Variants in RSU1 observed in about 807,000 individuals in gnomAD.
RSU1 encodes Ras suppressor protein 1, also known as rsu-1.
A neutral mutation model predicts 31.1 loss-of-function variants in RSU1; 26 were observed. The observed-to-expected ratio is 0.84, with a 90% CI of 0.61 to 1.16. The LOEUF (loss-of-function observed/expected upper bound fraction) is 1.16, where lower values mean the gene tolerates loss of function less well. Among genes scored for constraint, RSU1 ranks in the 50% most tolerant of loss-of-function variants. The pLI, the probability that RSU1 is intolerant of heterozygous loss-of-function variation, is 0.00. For synonymous variants in RSU1, 164 were observed against 136.3 expected (o/e 1.20, Z -1.41); for missense variants, 320 against 339.1 (o/e 0.94, Z 0.44).
intron 7 of RSU1, among the ~76,000 whole-genome samples, chr10:16,735,210 G>T (rs1044336495): frequency 2.0e-5 from 3 of 152,122 alleles, no homozygotes; most frequent in African/African-American, 7.2e-5. Context: ...TAAAGACCAA[G>T]AAATTATTCT....
At chr10:16,668,444 G>C (rs943559057) in intron 8 of RSU1, among the ~76,000 whole-genome samples, 1 of 152,182 alleles carries the variant, frequency 6.6e-6, no homozygotes, top group Non-Finnish European at 1.5e-5. Flanking sequence ...TACCTAGCTA[G>C]ATCGTCTTGG....
intron 8 of RSU1, among the ~76,000 whole-genome samples, chr10:16,596,355 A>C (rs1833612787): frequency 6.6e-6 from 1 of 152,178 alleles, no homozygotes; most frequent in Non-Finnish European, 1.5e-5. Context: ...GGAAATGCTC[A>C]AAGTAGATCC....
At chr10:16,782,345 G>A (rs1417570878) in intron 2 of RSU1, among the ~76,000 whole-genome samples, 2 of 152,194 alleles carry the variant, frequency 1.3e-5, no homozygotes, top group African/African-American at 2.4e-5. Context: ...ACATGACGAG[G>A]GCCAGTTAGC....
chr10:16,606,830 C>T (rs1833813256), intron 8 of RSU1, among the ~76,000 whole-genome samples: 1 of 152,196 alleles, frequency 6.6e-6, no homozygotes, highest in Admixed American at 6.5e-5. Flanking sequence ...AGAAGCATAC[C>T]ATACATAGTG....
At chr10:16,685,581 T>TGGCGCTGATGGGAGGGTAGCAGTGAGGA (rs568347121) in intron 8 of RSU1, among the ~76,000 whole-genome samples, 1,705 of 152,260 alleles carry the variant, frequency 0.011, 34 homozygotes, top group African/African-American at 0.039. Flanking sequence ...TAAGCTGTCA[T>TGGCGCTGATGGGAGGGTAGCAGTGAGGA]GGCGCTGATG....
chr10:16,713,527 A>G (rs545817581), intron 7 of RSU1, among the ~76,000 whole-genome samples: 1 of 152,208 alleles, frequency 6.6e-6, no homozygotes, highest in East Asian at 1.9e-4. Context: ...CCTCAGCTCC[A>G]AGATTTCTGT....
intron 2 of RSU1, among the ~76,000 whole-genome samples, chr10:16,802,675 A>G (rs924654167): frequency 2.6e-5 from 4 of 152,162 alleles, no homozygotes; most frequent in African/African-American, 9.6e-5. Flanking sequence ...TCAAAAATGT[A>G]CTAAGAGTAC....
intron 8 of RSU1, 57 bp from the exon 9 acceptor site, chr10:16,593,553 TC>T: frequency 7.6e-7 from 1 of 1,317,518 alleles, no homozygotes; most frequent in East Asian, 2.3e-5. Flanking sequence ...AAGATAGCTT[TC>T]ACTGGAAGAG....
At chr10:16,668,377 A>G (rs1835039494) in intron 8 of RSU1, among the ~76,000 whole-genome samples, 1 of 152,180 alleles carries the variant, frequency 6.6e-6, no homozygotes, top group African/African-American at 2.4e-5. Flanking sequence ...ATTGTATAGA[A>G]GACACGTTTC....
intron 2 of RSU1, among the ~76,000 whole-genome samples, chr10:16,804,247 GC>G (rs2131674449): frequency 1.3e-5 from 2 of 152,328 alleles, no homozygotes; most frequent in Non-Finnish European, 2.9e-5. Context: ...TTAAGGAATT[GC>G]AAATGGAAAC....
chr10:16,600,099 C>A (rs1487946238), intron 8 of RSU1, among the ~76,000 whole-genome samples: 1 of 152,174 alleles, frequency 6.6e-6, no homozygotes, highest in Non-Finnish European at 1.5e-5. Flanking sequence ...ACAAGAGGAT[C>A]AGTTGCTCTT....
intron 2 of RSU1, among the ~76,000 whole-genome samples, chr10:16,815,191 A>G (rs1838502786): frequency 6.6e-6 from 1 of 152,268 alleles, no homozygotes; most frequent in Admixed American, 6.5e-5. Flanking sequence ...AGTTGCTGAC[A>G]GCAAGGACCC....
intron 8 of RSU1, among the ~76,000 whole-genome samples, chr10:16,656,029 TA>T (rs1834770656): frequency 6.6e-6 from 1 of 152,190 alleles, no homozygotes; most frequent in Non-Finnish European, 1.5e-5. Flanking sequence ...TATGAAAGTT[TA>T]TTAAAACATT....
chr10:16,746,440 G>A (rs192114529), intron 7 of RSU1, among the ~76,000 whole-genome samples: 15 of 152,102 alleles, frequency 9.9e-5, no homozygotes, highest in Non-Finnish European at 1.8e-4. Context: ...TAACAAATGC[G>A]GGACAAGAGG....
At chr10:16,698,046 G>C (rs1284058469) in intron 7 of RSU1, among the ~76,000 whole-genome samples, 1 of 140,284 alleles carries the variant, frequency 7.1e-6, no homozygotes. Flanking sequence ...GAAGAGGAGG[G>C]AAGTCAGCTA....
chr10:16,749,116 T>C (rs1305151393), intron 7 of RSU1, among the ~76,000 whole-genome samples: 1 of 152,182 alleles, frequency 6.6e-6, no homozygotes, highest in Non-Finnish European at 1.5e-5. Flanking sequence ...AATGAATGAA[T>C]GGGTACACGA....
In RSU1 at chr10:16,683,318, T is replaced by A. The variant is rs141507220; in HGVS notation, c.731+11705A>T. 1.5e-3 allele frequency among the ~76,000 whole-genome samples: 226 copies of A among 152,262 alleles called. 2 individuals carry two copies. Among genetic ancestry groups the A allele is most frequent in the African/African-American group, 5.2e-3 (216 of 41,544 alleles). ...ATGAAGGAACAAATTCATAAACAAC[T>A]CAATGCCGTTTCTGGGCATTTGAGT... is the stretch of plus-strand genomic sequence containing the variant. On this transcript the variant is annotated intron_variant, in intron 8 of 8. Transcript: ENST00000345264.
chr10:16,807,776 C>A (rs11254207), intron 2 of RSU1, among the ~76,000 whole-genome samples: 5,263 of 152,218 alleles, frequency 0.035, 119 homozygotes, highest in Non-Finnish European at 0.051. Context: ...GTAATCCTAG[C>A]ACTTTGGGAG....
chr10:16,766,940 G>A lies in RSU1; in HGVS notation c.161-2430C>T, dbSNP rs542276455. Among the ~76,000 whole-genome samples the A allele has an allele frequency of 7.3e-5, 11 of 151,462 alleles. No homozygotes were observed. In the South Asian group the frequency reaches 1.7e-3, roughly 23 times the overall value. On this transcript the variant is annotated intron_variant, in intron 3 of 8. Coordinates refer to ENST00000345264, the MANE Select transcript of RSU1 (RefSeq NM_012425.4). ...CTCGGGAAGCTGAGGCAGGAGAATC[G>A]CTTCTGGGAAGCAGAGGTTGCAGTG...
Sources: allele counts gnomAD v4.1 joint callset (sites outside exome capture counted in the v4.1 genomes callset), GRCh38; gene constraint gnomAD v4.1.1; transcripts MANE v1.5; gene names NCBI Gene and HGNC (gene_info 2026-07-23, HGNC 2026-07-21).